Variants in IMPDH2 observed in about 807,000 individuals in gnomAD.
IMPDH2 encodes the protein inosine-5'-monophosphate dehydrogenase 2.
Under a neutral mutation model 57.8 loss-of-function variants are expected in IMPDH2, and 33 were observed. The observed-to-expected ratio is 0.57, with a 90% CI of 0.43 to 0.76. The LOEUF is 0.76. Ranked by LOEUF, IMPDH2 falls within the 30% of genes least tolerant of loss-of-function variation. The pLI is 0.00. For missense variants in IMPDH2, 446 were observed against 659.1 expected, an observed-to-expected ratio of 0.68 and a Z score of 3.54; for synonymous variants, 270 against 241.3, an observed-to-expected ratio of 1.12 and a Z score of -1.10.
chr3:49,028,308 A>T lies in IMPDH2; in HGVS notation c.264T>A (p.Ile88=), dbSNP rs1408082327. 8.1e-6 allele frequency: 13 copies of T among 1,614,094 alleles called. No homozygotes were observed. Among genetic ancestry groups the T allele is most frequent in the Non-Finnish European group, 1.1e-5 (13 of 1,179,954 alleles). The part of the protein sequence containing the change: ...MAIAMALTGG[I]GFIHHNCTPE... ...GTGTACAGTTGTGGTGGATGAAGCC[A>T]ATACCGCCTGTAAGCTACAGGATAA... is the stretch of plus-strand genomic sequence containing the variant. Residue 88 remains isoleucine (I), a synonymous_variant, in exon 4 of 14, where the codon ATT becomes ATA. Coordinates refer to ENST00000326739, the MANE Select transcript of IMPDH2 (RefSeq NM_000884.3).
At chr3:49,025,396 C>G (rs1575308792) in intron 9 of IMPDH2, 127 bp from the exon 10 acceptor site, 20 of 988,668 alleles carry the variant, frequency 2.0e-5, no homozygotes, top group Middle Eastern at 6.1e-4. Context: ...GGCTGAGGAA[C>G]AGACGTGTCT....
intron 2 of IMPDH2, 39 bp downstream of exon 2, chr3:49,028,719 C>G (rs766646611): frequency 1.3e-6 from 2 of 1,568,732 alleles, no homozygotes; most frequent in Admixed American, 1.7e-5. Context: ...CACCTTAGCT[C>G]ACCTTGATGT....
At chr3:49,027,296 G>A (rs1277844214) in intron 5 of IMPDH2, among the ~76,000 whole-genome samples, 1 of 152,120 alleles carries the variant, frequency 6.6e-6, no homozygotes, top group Non-Finnish European at 1.5e-5. Context: ...GGACCACCAC[G>A]TTCATACATT....
chr3:49,028,350 A>G, intron 3 of IMPDH2, 28 bp from the exon 4 acceptor site: 1 of 1,611,070 alleles, frequency 6.2e-7, no homozygotes. Context: ...ACTACTACTA[A>G]GTGACAAGAA....
Position 49,026,878 on chromosome 3 carries a change from G to C in IMPDH2, c.628C>G (p.Pro210Ala). The change falls in exon 7 of 14, where the codon CCC (proline) becomes GCC (alanine). Residue 210 changes from proline (P) to alanine (A), a missense_variant. Transcript: ENST00000326739. ...AGCTCATCATCTTCATTTACAATGG[G>C]CAACTTTCCTGTGGTCAGGGCAGGA... is the stretch of plus-strand genomic sequence containing the variant. Reference protein sequence around the residue: ...ILQRSKKGKLPIVNEDDELVA... With the variant: ...ILQRSKKGKLAIVNEDDELVA... 1 of 1,614,212 alleles carries C rather than the reference G, an allele frequency of 6.2e-7. No individual in the cohort carries two copies. Among genetic ancestry groups the C allele is most frequent in the Non-Finnish European group, 8.5e-7 (1 of 1,180,046 alleles).
intron 5 of IMPDH2, 45 bp from the exon 6 acceptor site, chr3:49,027,092 G>C (rs2093202901): frequency 7.1e-7 from 1 of 1,402,714 alleles, no homozygotes; most frequent in Non-Finnish European, 1.0e-6. Context: ...CATCGACTAT[G>C]ACCAGTTAAC....
At chr3:49,028,210 T>C (rs1455803997) in intron 4 of IMPDH2, 38 bp downstream of exon 4, 3 of 1,562,638 alleles carry the variant, frequency 1.9e-6, no homozygotes, top group South Asian at 1.1e-5. Context: ...TCAGTGCAAT[T>C]CCCAGGAGCG....
At position 49,024,889 on chromosome 3, in the gene IMPDH2, G is replaced by A; in HGVS notation, c.1295+7C>T. The stretch of plus-strand genomic sequence containing the variant: ...TTAGGGTGGGGTAACTGGCTTGCCT[G>A]TCCCACCTGAAATATCTGTTCTGGC... On this transcript the variant is annotated splice_region_variant and intron_variant, in intron 11 of 13. Transcript: ENST00000326739. The A allele has an allele frequency of 6.2e-7, 1 of 1,614,236 alleles. No homozygotes were observed. Among genetic ancestry groups the A allele is most frequent in the Admixed American group, 1.7e-5 (1 of 60,032 alleles).
Position 49,024,812 on chromosome 3 carries a change from G to A in IMPDH2, c.1296-10C>T, listed in dbSNP as rs369855733. On this transcript the variant is annotated splice_polypyrimidine_tract_variant and intron_variant, in intron 11 of 13. Transcript: ENST00000326739. ...GATTTTGTCAGCTTCACTGCAGGGA[G>A]AGGCAGAGACACGGGCAAGGTCACA... 1.4e-5 allele frequency: 23 copies of A among 1,614,100 alleles called. No homozygotes were observed. The highest frequency in any genetic ancestry group is 1.9e-5 in the Non-Finnish European group (22 of 1,180,030).
chr3:49,028,184 C>T, intron 4 of IMPDH2, 64 bp downstream of exon 4: 1 of 1,309,656 alleles, frequency 7.6e-7, no homozygotes, highest in Non-Finnish European at 1.1e-6. Context: ...AACCCCTACT[C>T]CCACCCCACC....
In IMPDH2 at chr3:49,024,369, T is replaced by G. The variant is rs368519559; in HGVS notation, c.*14A>C. The G allele has an allele frequency of 1.6e-4, 265 of 1,613,390 alleles. 1 individual carries two copies. The African/African-American group carries it at 3.4e-3, about 21-fold the overall frequency. On this transcript the variant is annotated 3_prime_UTR_variant, in exon 14 of 14. Coordinates refer to ENST00000326739, the MANE Select transcript of IMPDH2 (RefSeq NM_000884.3). ...TATTGAAAAAAAAACCGAGGAGGTG[T>G]GCTGGATCCCTTTTCAGAAAAGCCG...
In IMPDH2 at chr3:49,025,196, CG is replaced by C. The variant is rs747798417; in HGVS notation, c.1079del (p.Pro360ArgfsTer26). 20 of 1,614,200 alleles carry C rather than the reference CG, an allele frequency of 1.2e-5. No individual in the cohort carries two copies. The highest frequency in any genetic ancestry group is 1.7e-5 in the Non-Finnish European group (20 of 1,180,014). On this transcript the variant is annotated frameshift_variant, in exon 10 of 14. Coordinates refer to ENST00000326739, the MANE Select transcript of IMPDH2 (RefSeq NM_000884.3). LOFTEE classifies it high-confidence loss of function. ...VSEYARRFGV[P>X]VIADGGIQNV... Reference sequence around the variant, plus strand: ...TTTGGATTCCTCCATCAGCAATGACCGGAACACCAAAGCGCCGTGCATACTC... The same window carrying C: ...TTTGGATTCCTCCATCAGCAATGACCGAACACCAAAGCGCCGTGCATACTC...
At chr3:49,028,048 T>TA in intron 4 of IMPDH2, 132 bp from the exon 5 acceptor site, 1 of 817,324 alleles carries the variant, frequency 1.2e-6, no homozygotes, top group Non-Finnish European at 2.0e-6. Flanking sequence ...CAACACATCT[T>TA]AGAGACATGG....
At chr3:49,027,589 A>G in intron 5 of IMPDH2, 121 bp downstream of exon 5, 2 of 829,390 alleles carry the variant, frequency 2.4e-6, no homozygotes, top group Non-Finnish European at 4.0e-6. Context: ...GGAGTCAGAA[A>G]CTTGGTTTGA....
At chr3:49,024,450 G>T in intron 13 of IMPDH2, 45 bp downstream of exon 13, 1 of 1,614,182 alleles carries the variant, frequency 6.2e-7, no homozygotes, top group South Asian at 1.1e-5. Flanking sequence ...GGAGAAAGGA[G>T]GCATGAGGTA....
Position 49,026,753 on chromosome 3 carries a change from G to T in IMPDH2, c.753C>A (p.Gly251=), listed in dbSNP as rs1033144996. ...GCCTATACTTGTCATCCTCATGAGTGCCAATGGCTGCCCCACACAGCAGCT... is the reference window on the plus strand; with the variant it reads ...GCCTATACTTGTCATCCTCATGAGTTCCAATGGCTGCCCCACACAGCAGCT... The part of the protein sequence containing the change: ...KKQLLCGAAI[G]THEDDKYRLD... Residue 251 remains glycine, a synonymous_variant, in exon 7 of 14, where the codon GGC becomes GGA. Transcript: ENST00000326739. 6 of 1,614,114 alleles carry T rather than the reference G, an allele frequency of 3.7e-6. No homozygotes were observed. Among genetic ancestry groups the T allele is most frequent in the Middle Eastern group, 1.6e-4 (1 of 6,084 alleles).
rs2093193802 is a variant in IMPDH2 at position 49,025,394 on chromosome 3, AAC to A, written c.1007-127_1007-126del. ...CATCAGGACTGCAGCTTGGCTGAGGAACAGACGTGTCTGGGATGGCTGCTGCC... is the reference window on the plus strand; with the variant it reads ...CATCAGGACTGCAGCTTGGCTGAGGAAGACGTGTCTGGGATGGCTGCTGCC... On this transcript the variant is annotated intron_variant, in intron 9 of 13. Coordinates refer to ENST00000326739, the MANE Select transcript of IMPDH2 (RefSeq NM_000884.3). 7.0e-6 allele frequency: 7 copies of A among 998,480 alleles called. No homozygotes were observed. The East Asian group carries it at 1.7e-4, about 24-fold the overall frequency. The allele number at this position is 998,480 out of a possible 1,614,324, so 61.9% of individuals were successfully genotyped here.
At position 49,024,668 on chromosome 3, in the gene IMPDH2, G is replaced by C. The variant is rs1159046030; in HGVS notation, c.1430C>G (p.Thr477Ser). The C allele has an allele frequency of 1.2e-6, 2 of 1,614,100 alleles. No individual in the cohort carries two copies. Among genetic ancestry groups the C allele is most frequent in the African/African-American group, 1.3e-5 (1 of 74,934 alleles). Residue 477 changes from threonine to serine, a missense_variant, in exon 12 of 14, where the codon ACC (threonine) becomes AGC (serine). Transcript: ENST00000326739. ...AGCTCCCCAAGCTCACCGGACTTGG[G>C]TCAAGCTCTTGGCACCAATGTCCTG... ...SCQDIGAKSL[T>S]QVRAMMYSGE...
rs745568749 is a variant in IMPDH2 at position 49,027,734 on chromosome 3, C to T, written c.507G>A (p.Glu169=). The change falls in exon 5 of 14, where the codon GAG becomes GAA. Residue 169 remains glutamate (E), a synonymous_variant. Coordinates refer to ENST00000326739, the MANE Select transcript of IMPDH2 (RefSeq NM_000884.3). ...SSRDIDFLKE[E]EHDCFLEEIM... ...CCTCTTCCAAGAAACAGTCATGTTC[C>T]TCCTCTTTGAGAAAATCAATGTCCC... 13 of 1,614,178 alleles carry T rather than the reference C, an allele frequency of 8.1e-6. No individual in the cohort carries two copies. Among genetic ancestry groups the T allele is most frequent in the Non-Finnish European group, 1.1e-5 (13 of 1,180,040 alleles).
Sources: allele counts gnomAD v4.1 joint callset (sites outside exome capture counted in the v4.1 genomes callset), GRCh38; gene constraint gnomAD v4.1.1; transcripts MANE v1.5; gene names NCBI Gene and HGNC (gene_info 2026-07-23, HGNC 2026-07-21).